The following AKT1 variants were observed in gnomAD, a reference collection of about 807,000 sequenced individuals.
The protein encoded by AKT1 is AKT serine/threonine kinase 1.
A neutral mutation model predicts 63.1 loss-of-function variants in AKT1; 21 were observed. That is an observed-to-expected ratio of 0.33 (90% CI 0.24 to 0.48). The LOEUF (loss-of-function observed/expected upper bound fraction) is 0.48, where lower values mean the gene tolerates loss of function less well. Among genes scored for constraint, AKT1 ranks in the 20% least tolerant of loss-of-function variants. The probability of loss-of-function intolerance (pLI) is 0.99; values close to 1 mark genes in which losing one functional copy is unlikely to be tolerated. For missense variants in AKT1, 382 were observed against 666.0 expected, an observed-to-expected ratio of 0.57 and a Z score of 4.69; for synonymous variants, 257 against 253.1, an observed-to-expected ratio of 1.02 and a Z score of -0.15.
chr14:104,772,264 G>C (rs1404833215), intron 13 of AKT1, 101 bp downstream of exon 13: 3 of 1,278,412 alleles, frequency 2.3e-6, no homozygotes, highest in African/African-American at 1.5e-5. Context: ...CCTGAGGTGA[G>C]GGCGAGTGTG....
chr14:104,779,961 A>T, intron 4 of AKT1, 127 bp downstream of exon 4: 1 of 1,359,092 alleles, frequency 7.4e-7, no homozygotes, highest in Non-Finnish European at 9.9e-7. Context: ...CCACCCAGCC[A>T]GTGCTTGTTG....
At chr14:104,785,894 TC>T (rs1893306477) in intron 3 of AKT1, among the ~76,000 whole-genome samples, 1 of 152,036 alleles carries the variant, frequency 6.6e-6, no homozygotes, top group Non-Finnish European at 1.5e-5. Flanking sequence ...CACCTGGGTC[TC>T]AGCTTTCCAT....
At position 104,769,849 on chromosome 14, in the gene AKT1, C is replaced by T. The variant is rs1394481557; in HGVS notation, c.*492G>A. The stretch of plus-strand genomic sequence containing the variant: ...CTTAGTGCTGGGGGGCTGCTGTGTG[C>T]CTGCCACCCCCAGGAGAGGGTGCTG... On this transcript the variant is annotated 3_prime_UTR_variant, in exon 15 of 15. Transcript: ENST00000649815. 2.6e-6 allele frequency: 1 copy of T among 384,776 alleles called. No homozygotes were observed. The highest frequency in any genetic ancestry group is 4.8e-6 in the Non-Finnish European group (1 of 206,546). 23.8% of individuals were successfully genotyped at this position (384,776 alleles called of 1,614,324 possible).
chr14:104,780,489 G>A (rs1379664407), intron 3 of AKT1, among the ~76,000 whole-genome samples: 1 of 152,214 alleles, frequency 6.6e-6, no homozygotes, highest in Non-Finnish European at 1.5e-5. Context: ...CGCAGGGGAT[G>A]GAGTACCATG....
At position 104,770,035 on chromosome 14, in the gene AKT1, A is replaced by G; in HGVS notation, c.*306T>C. On this transcript the variant is annotated 3_prime_UTR_variant, in exon 15 of 15. Coordinates refer to ENST00000649815, the MANE Select transcript of AKT1 (RefSeq NM_001382430.1). ...GACCTGCCCGGCCCCCCAATGCCAC[A>G]TTGCGCATAGCTGCAGAAGTCCTTA... The G allele has an allele frequency of 2.0e-6, 1 of 490,796 alleles. No individual in the cohort carries two copies. Among genetic ancestry groups the G allele is most frequent in the Non-Finnish European group, 3.7e-6 (1 of 269,652 alleles). The allele number at this position is 490,796 out of a possible 1,614,324, so 30.4% of individuals were successfully genotyped here. A position where few individuals can be genotyped will look rare whatever the true frequency, so the allele number is the denominator to read the frequency against.
chr14:104,773,415 GCCC>G, intron 10 of AKT1, 36 bp from the exon 11 acceptor site: 1 of 1,614,006 alleles, frequency 6.2e-7, no homozygotes, highest in East Asian at 2.2e-5. Context: ...GTGCCGCCAG[GCCC>G]CCAGGGCCCT....
chr14:104,790,390 G>A (rs1566825928), intron 3 of AKT1, among the ~76,000 whole-genome samples: 2 of 142,812 alleles, frequency 1.4e-5, no homozygotes, highest in African/African-American at 2.5e-5. Context: ...TGTGAAGCAC[G>A]GGTGGGGTCA....
rs1334051808 is a variant in AKT1 at position 104,769,951 on chromosome 14, T to C, written c.*390A>G. ...CCCAGGGCCCCAGAGAGATGACAGA[T>C]AGCTGGTGACAGACAGCCCAGGGCG... On this transcript the variant is annotated 3_prime_UTR_variant, in exon 15 of 15. Transcript: ENST00000649815. 5 of 413,980 alleles carry C rather than the reference T, an allele frequency of 1.2e-5. No homozygotes were observed. Among genetic ancestry groups the C allele is most frequent in the Middle Eastern group, 7.1e-4 (1 of 1,412 alleles). The allele number at this position is 413,980 out of a possible 1,614,324, so 25.6% of individuals were successfully genotyped here.
chr14:104,795,374 A>C lies in AKT1; in HGVS notation c.-258+110T>G, dbSNP rs1893839505. On this transcript the variant is annotated intron_variant, in intron 1 of 14. Coordinates refer to ENST00000649815, the MANE Select transcript of AKT1 (RefSeq NM_001382430.1). The surrounding 1 kb of genome is among the most constrained non-coding windows in gnomAD (Gnocchi z 5.1). ...GGCCACTTCCTGCTCCCGCTCCTCC[A>C]TTCTGGCGGCGCCGCGGCTCGCGCC... 4 of 148,302 alleles carry C rather than the reference A, an allele frequency of 2.7e-5. No individual in the cohort carries two copies. The highest frequency in any genetic ancestry group is 9.8e-5 in the African/African-American group (4 of 40,802). The allele number at this position is 148,302 out of a possible 1,614,324, so 9.2% of individuals were successfully genotyped here. A position where few individuals can be genotyped will look rare whatever the true frequency, so the allele number is the denominator to read the frequency against.
Position 104,770,065 on chromosome 14 carries a change from T to G in AKT1, c.*276A>C. ...GCATAGCTGCAGAAGTCCTTAACAT[T>G]TCCCTACGTGAATCGGATTGTTCTG... On this transcript the variant is annotated 3_prime_UTR_variant, in exon 15 of 15. Coordinates refer to ENST00000649815, the MANE Select transcript of AKT1 (RefSeq NM_001382430.1). The G allele has an allele frequency of 3.7e-6, 2 of 540,280 alleles. No homozygotes were observed. Among genetic ancestry groups the G allele is most frequent in the Non-Finnish European group, 6.7e-6 (2 of 299,050 alleles). 33.5% of individuals were successfully genotyped at this position (540,280 alleles called of 1,614,324 possible). A position where few individuals can be genotyped will look rare whatever the true frequency, so the allele number is the denominator to read the frequency against.
chr14:104,774,087 C>T (rs1182202609), intron 8 of AKT1, 107 bp from the exon 9 acceptor site: 21 of 1,048,062 alleles, frequency 2.0e-5, no homozygotes, highest in South Asian at 2.7e-5. Context: ...GATACCACAC[C>T]GCCCGTAGCC....
chr14:104,774,929 C>T lies in AKT1; in HGVS notation c.633+9G>A, dbSNP rs1238078801. 7.5e-6 allele frequency: 12 copies of T among 1,610,112 alleles called. No homozygotes were observed. Among genetic ancestry groups the T allele is most frequent in the Non-Finnish European group, 1.0e-5 (12 of 1,178,738 alleles). On this transcript the variant is annotated intron_variant, in intron 8 of 14. Coordinates refer to ENST00000649815, the MANE Select transcript of AKT1 (RefSeq NM_001382430.1). ...CCAGCCCTTCAGCCCCATCTGGGCTCCCACTCACTGTGAGGAAGGGGTGCC... is the reference window on the plus strand; with the variant it reads ...CCAGCCCTTCAGCCCCATCTGGGCTTCCACTCACTGTGAGGAAGGGGTGCC...
chr14:104,779,172 CGCTACAG>C (rs779664011), intron 4 of AKT1, among the ~76,000 whole-genome samples: 2 of 152,208 alleles, frequency 1.3e-5, no homozygotes, highest in Non-Finnish European at 2.9e-5. Flanking sequence ...CACCTGCCCC[CGCTACAG>C]GTAAGGAATA....
chr14:104,782,429 C>T (rs1398710396), intron 3 of AKT1, among the ~76,000 whole-genome samples: 10 of 152,322 alleles, frequency 6.6e-5, no homozygotes, highest in Non-Finnish European at 2.9e-5. Flanking sequence ...AGCTCCCGTG[C>T]CCAACCCCAG....
chr14:104,774,874 A>G (rs1432189445), intron 8 of AKT1, 64 bp downstream of exon 8: 3 of 1,539,604 alleles, frequency 1.9e-6, no homozygotes, highest in Non-Finnish European at 2.6e-6. Flanking sequence ...ATCGTCCCCT[A>G]GAGACAGCCC....
At chr14:104,779,386 G>A (rs1046359282) in intron 4 of AKT1, among the ~76,000 whole-genome samples, 5 of 152,350 alleles carry the variant, frequency 3.3e-5, no homozygotes, top group Admixed American at 3.3e-4. Flanking sequence ...GCTCTTCCTC[G>A]AGTGATGGAG....
intron 3 of AKT1, among the ~76,000 whole-genome samples, chr14:104,782,954 CTGGG>C (rs1207675671): frequency 1.5e-4 from 23 of 152,108 alleles, no homozygotes; most frequent in Admixed American, 1.4e-3. Context: ...AGACAGGATG[CTGGG>C]TGGGCGGCCA....
intron 3 of AKT1, among the ~76,000 whole-genome samples, chr14:104,781,742 G>A (rs1191607797): frequency 6.6e-6 from 1 of 152,204 alleles, no homozygotes; most frequent in Non-Finnish European, 1.5e-5. Context: ...CACCCAGCAG[G>A]GCCTGAGTGT....
chr14:104,772,445 C>T lies in AKT1; in HGVS notation c.1180G>A (p.Gly394Arg), dbSNP rs1892447721. Residue 394 changes from glycine to arginine, a missense_variant, in exon 13 of 15, where the codon GGG becomes AGG. Physicochemically the swap from Gly to Arg is moderately radical, Grantham distance 125 (BLOSUM62 -2). Transcript: ENST00000649815. ...LKKDPKQRLG[G>R]GSEDAKEIMQ... ...ATCTCCTTGGCGTCCTCGGAGCCCC[C>T]GCCAAGCCTGCAGGCAGGAAACAAG... 7 of 1,613,644 alleles carry T rather than the reference C, an allele frequency of 4.3e-6. No individual in the cohort carries two copies. Among genetic ancestry groups the T allele is most frequent in the Non-Finnish European group, 5.9e-6 (7 of 1,180,022 alleles).
Sources: allele counts gnomAD v4.1 joint callset (sites outside exome capture counted in the v4.1 genomes callset), GRCh38; gene constraint gnomAD v4.1.1; non-coding constraint Gnocchi (gnomAD v3.1); transcripts MANE v1.5; gene names NCBI Gene and HGNC (gene_info 2026-07-23, HGNC 2026-07-21).